CP: variants seen among roughly 807,000 people sequenced by gnomAD.
CP encodes the protein caeruloplasmin.
A neutral mutation model predicts 122.4 loss-of-function variants in CP; 64 were observed. The observed-to-expected ratio is 0.52, with a 90% CI of 0.43 to 0.64. CP has a LOEUF of 0.64. Ranked by LOEUF, CP falls within the 30% of genes least tolerant of loss-of-function variation. The pLI is 0.00. For synonymous variants in CP, 440 were observed against 436.4 expected (o/e 1.01, Z -0.10); for missense variants, 1,167 against 1,284.4 (o/e 0.91, Z 1.40).
intron 5 of CP, chr3:149,162,991 A>T: frequency 2.2e-6 from 2 of 893,718 alleles, no homozygotes; most frequent in Non-Finnish European, 3.6e-6. Flanking sequence ...ATTACCAGGT[A>T]TCTTATTTAT....
chr3:149,210,040 T>C (rs554095420), intron 3 of CP, 127 bp downstream of exon 3: 51 of 858,962 alleles, frequency 5.9e-5, no homozygotes, highest in Admixed American at 4.4e-4. Flanking sequence ...TTCCTTTTTT[T>C]CTACTTACCA....
intron 9 of CP, among the ~76,000 whole-genome samples, chr3:149,197,646 C>T (rs1726984153): frequency 6.6e-6 from 1 of 152,162 alleles, no homozygotes; most frequent in African/African-American, 2.4e-5. Context: ...TCACGGAAGA[C>T]ATTTTTTCTA....
At chr3:149,201,561 G>A (rs915884311) in intron 7 of CP, among the ~76,000 whole-genome samples, 1 of 151,892 alleles carries the variant, frequency 6.6e-6, no homozygotes, top group Non-Finnish European at 1.5e-5. Flanking sequence ...ATAACCATTT[G>A]AAGTCAGGTC....
chr3:149,173,512 A>G lies in CP; in HGVS notation c.*202T>C. On this transcript the variant is annotated 3_prime_UTR_variant, in exon 19 of 19. Coordinates refer to ENST00000264613, the MANE Select transcript of CP (RefSeq NM_000096.4). Reference sequence around the variant, plus strand: ...ATTACCTAGTGTACAAGTGTCAGTCATGTATCATTATATAGTCTGTTGATC... The same window carrying G: ...ATTACCTAGTGTACAAGTGTCAGTCGTGTATCATTATATAGTCTGTTGATC... 1 of 448,442 alleles carries G rather than the reference A, an allele frequency of 2.2e-6. No homozygotes were observed. The highest frequency in any genetic ancestry group is 4.1e-6 in the Non-Finnish European group (1 of 241,730). 27.8% of individuals were successfully genotyped at this position (448,442 alleles called of 1,614,324 possible).
intron 9 of CP, among the ~76,000 whole-genome samples, chr3:149,195,793 G>C (rs891888922): frequency 2.6e-5 from 4 of 151,650 alleles, no homozygotes; most frequent in African/African-American, 9.7e-5. Flanking sequence ...GTGAACCCAG[G>C]AGGTGGGGCT....
chr3:149,165,216 C>T (rs1724297535), intron 5 of CP, among the ~76,000 whole-genome samples: 2 of 152,116 alleles, frequency 1.3e-5, no homozygotes, highest in Admixed American at 1.3e-4. Context: ...TTGGACAAGA[C>T]AGATGGAGCT....
intron 8 of CP, 63 bp from the exon 9 acceptor site, chr3:149,198,641 A>G (rs1727077750): frequency 7.1e-7 from 1 of 1,399,862 alleles, no homozygotes; most frequent in African/African-American, 1.4e-5. Flanking sequence ...TTGAGCCACA[A>G]AGTAGACTAA....
chr3:149,193,069 T>C (rs1293559258), intron 9 of CP, among the ~76,000 whole-genome samples: 7 of 152,144 alleles, frequency 4.6e-5, no homozygotes, highest in Admixed American at 4.6e-4. Flanking sequence ...TGGTATACTC[T>C]GACATTGTCT....
intron 4 of CP, among the ~76,000 whole-genome samples, chr3:149,207,889 T>A (rs1337905946): frequency 6.6e-6 from 1 of 152,140 alleles, no homozygotes; most frequent in African/African-American, 2.4e-5. Flanking sequence ...TGTTATAAAC[T>A]GTACACATTG....
chr3:149,162,671 T>A, exon 6 of CP: 1 of 1,613,372 alleles, frequency 6.2e-7, no homozygotes, highest in Non-Finnish European at 8.5e-7. Flanking sequence ...ATATAGAGGC[T>A]CCTTTTACTG....
chr3:149,182,032 T>G lies in CP; in HGVS notation c.2527A>C (p.Ser843Arg), dbSNP rs751353223. 2 of 1,406,280 alleles carry G rather than the reference T, an allele frequency of 1.4e-6. No individual in the cohort carries two copies. Among genetic ancestry groups the G allele is most frequent in the South Asian group, 2.3e-5 (2 of 87,910 alleles). 87.1% of individuals were successfully genotyped at this position (1,406,280 alleles called of 1,614,324 possible). Residue 843 changes from serine to arginine, a missense_variant, in exon 14 of 19, where the codon AGT becomes CGT. Transcript: ENST00000264613. ...GGTAATGTTGGAGTAACTGTAGAACTCTCTGTTTGTACCCCATGGGCATGT... is the reference window on the plus strand; with the variant it reads ...GGTAATGTTGGAGTAACTGTAGAACGCTCTGTTTGTACCCCATGGGCATGT... Reference protein sequence around the residue: ...SIHAHGVQTESSTVTPTLPGE... With the variant: ...SIHAHGVQTERSTVTPTLPGE...
At position 149,176,405 on chromosome 3, in the gene CP, C is replaced by A; in HGVS notation, c.3026G>T (p.Gly1009Val). 1.9e-6 allele frequency: 3 copies of A among 1,608,036 alleles called. No individual in the cohort carries two copies. The highest frequency in any genetic ancestry group is 1.7e-4 in the Middle Eastern group (1 of 6,052). Residue 1009 changes from glycine to valine, a missense_variant, in exon 18 of 19, where the codon GGA becomes GTA. Physicochemically the swap from Gly to Val is moderately radical, Grantham distance 109. Coordinates refer to ENST00000264613, the MANE Select transcript of CP (RefSeq NM_000096.4). ...GTCAAAGACATCAGAACTATAAACT[C>A]CCCTGTGCTTAATTAGAAAAATGAC... ...HGHSFQYKHR[G>V]VYSSDVFDIF...
chr3:149,199,520 G>A (rs1362344250), intron 8 of CP, among the ~76,000 whole-genome samples, 192 bp downstream of exon 8: 1 of 152,042 alleles, frequency 6.6e-6, no homozygotes, highest in Admixed American at 6.6e-5. Flanking sequence ...TCCAATTAAG[G>A]CAGGACAAAA....
At chr3:149,218,518 T>C (rs1475334257) in intron 1 of CP, among the ~76,000 whole-genome samples, 1 of 152,130 alleles carries the variant, frequency 6.6e-6, no homozygotes, top group African/African-American at 2.4e-5. Flanking sequence ...CCAAAACCTA[T>C]ACATTTTTCT....
At chr3:149,171,884 T>G (rs1725025318), downstream of CP, among the ~76,000 whole-genome samples, 2 of 151,994 alleles carry the variant, frequency 1.3e-5, no homozygotes, top group South Asian at 4.2e-4. Flanking sequence ...TTTTTGTATT[T>G]TTAGTAGAGA....
downstream of CP, chr3:149,172,124 G>C (rs751361480): frequency 5.6e-6 from 9 of 1,612,952 alleles, no homozygotes; most frequent in Non-Finnish European, 7.6e-6. Flanking sequence ...TGTGGAACTA[G>C]AACTGAAGGA....
In CP at chr3:149,198,586, A is replaced by T; in HGVS notation, c.1502-8T>A. 1 of 1,612,386 alleles carries T rather than the reference A, an allele frequency of 6.2e-7. No individual in the cohort carries two copies. The highest frequency in any genetic ancestry group is 8.5e-7 in the Non-Finnish European group (1 of 1,178,700). On this transcript the variant is annotated splice_region_variant and splice_polypyrimidine_tract_variant and intron_variant, in intron 8 of 18. Coordinates refer to ENST00000264613, the MANE Select transcript of CP (RefSeq NM_000096.4). Reference sequence around the variant, plus strand: ...AGGCTGAAGGAGGCACACCTGTGAGAAAGGTCACATTAGAGAGGTGAAGTG... The same window carrying T: ...AGGCTGAAGGAGGCACACCTGTGAGTAAGGTCACATTAGAGAGGTGAAGTG...
At chr3:149,180,185 C>T (rs761116413) in intron 14 of CP, 14 of 165,726 alleles carry the variant, frequency 8.4e-5, no homozygotes, top group Admixed American at 1.7e-4. Flanking sequence ...GGCGAGGAGC[C>T]GTTAGACCTC....
chr3:149,171,676 A>G (rs1262502596), downstream of CP, among the ~76,000 whole-genome samples: 1 of 147,054 alleles, frequency 6.8e-6, no homozygotes, highest in South Asian at 2.2e-4. Context: ...AAGTTATAAC[A>G]TTTTGTTACC....
Sources: allele counts gnomAD v4.1 joint callset (sites outside exome capture counted in the v4.1 genomes callset), GRCh38; gene constraint gnomAD v4.1.1; transcripts MANE v1.5; gene names NCBI Gene and HGNC (gene_info 2026-07-23, HGNC 2026-07-21).